The following GPC5 variants were observed in gnomAD, a reference collection of about 807,000 sequenced individuals.
GPC5 encodes the protein glypican 5.
GPC5 carries 47 observed loss-of-function variants against 53.9 expected under a neutral mutation model. The observed-to-expected ratio is 0.87, with a 90% CI of 0.69 to 1.11. The LOEUF (loss-of-function observed/expected upper bound fraction) is 1.11, where lower values mean the gene tolerates loss of function less well. Ranked by LOEUF, GPC5 falls within the 50% of genes most tolerant of loss-of-function variation. GPC5 has a pLI of 0.00. For missense variants in GPC5, 748 were observed against 713.1 expected (o/e 1.05, Z -0.56); for synonymous variants, 286 against 263.3 (o/e 1.09, Z -0.84).
At chr13:91,734,140 C>T (rs988767551) in intron 4 of GPC5, among the ~76,000 whole-genome samples, 1 of 151,036 alleles carries the variant, frequency 6.6e-6, no homozygotes, top group African/African-American at 2.5e-5. Context: ...TATTGATTTG[C>T]GTATGTTGAA....
At chr13:92,671,167 T>C (rs527278315) in intron 7 of GPC5, among the ~76,000 whole-genome samples, 1 of 152,280 alleles carries the variant, frequency 6.6e-6, no homozygotes, top group South Asian at 2.1e-4. Context: ...TTCTGTCCTG[T>C]GCATGTGACA....
intron 2 of GPC5, among the ~76,000 whole-genome samples, chr13:91,508,928 C>T (rs545607111): frequency 1.3e-5 from 2 of 152,272 alleles, no homozygotes; most frequent in South Asian, 4.1e-4. Flanking sequence ...AACAGCAGAG[C>T]TCGAGTTAGC....
At chr13:91,474,316 A>T (rs1882802439) in intron 2 of GPC5, among the ~76,000 whole-genome samples, 1 of 152,260 alleles carries the variant, frequency 6.6e-6, no homozygotes, top group South Asian at 2.1e-4. Context: ...CCTGAAGTGA[A>T]GTTGGTTTCT....
intron 3 of GPC5, among the ~76,000 whole-genome samples, chr13:91,712,914 G>C (rs1393185247): frequency 6.6e-6 from 1 of 152,150 alleles, no homozygotes; most frequent in Non-Finnish European, 1.5e-5. Flanking sequence ...CAAGCGGCCA[G>C]GTGCGGTGGC....
In GPC5 at chr13:92,758,994, G is replaced by GTTTTTTTT. The variant is rs68182839; in HGVS notation, c.1562-107270_1562-107263dup. 6.2e-4 allele frequency among the ~76,000 whole-genome samples: 44 copies of GTTTTTTTT among 70,570 alleles called. 1 individual carries two copies. The highest frequency in any genetic ancestry group is 1.8e-3 in the African/African-American group (26 of 14,754). 46.3% of individuals were successfully genotyped at this position (70,570 alleles called of 152,430 possible). A position where few individuals can be genotyped will look rare whatever the true frequency, so the allele number is the denominator to read the frequency against. On this transcript the variant is annotated intron_variant, in intron 7 of 7. Transcript: ENST00000377067. ...CAGAGAATATCCTTTTCCCATTGCG[G>GTTTTTTTT]TTTTTTTTTTTTTTTTTTTTTTTTT...
chr13:92,211,377 C>T (rs1392299914), intron 7 of GPC5, among the ~76,000 whole-genome samples: 1 of 152,232 alleles, frequency 6.6e-6, no homozygotes, highest in African/African-American at 2.4e-5. Context: ...TCCTGACACC[C>T]TGTCTATGTA....
At chr13:92,576,251 T>C (rs182597914) in intron 7 of GPC5, among the ~76,000 whole-genome samples, 8 of 152,302 alleles carry the variant, frequency 5.3e-5, no homozygotes, top group Admixed American at 3.9e-4. Flanking sequence ...CCAGCAAAAA[T>C]CATGCAGTGA....
intron 7 of GPC5, among the ~76,000 whole-genome samples, chr13:92,547,306 C>T (rs897599838): frequency 9.2e-5 from 14 of 152,064 alleles, no homozygotes; most frequent in South Asian, 4.2e-4. Context: ...TATATTTTTT[C>T]GAAGTACTTT....
At chr13:91,789,835 A>G (rs1449312302) in intron 5 of GPC5, among the ~76,000 whole-genome samples, 1 of 152,204 alleles carries the variant, frequency 6.6e-6, no homozygotes, top group East Asian at 1.9e-4. Context: ...AAGCTTGGAT[A>G]GCTGCATCTG....
intron 7 of GPC5, among the ~76,000 whole-genome samples, chr13:92,201,201 TGAA>T (rs2042292806): frequency 6.6e-6 from 1 of 152,196 alleles, no homozygotes; most frequent in Non-Finnish European, 1.5e-5. Flanking sequence ...CTTTCACTCT[TGAA>T]GAGAAGATAT....
At chr13:92,416,374 A>C (rs1876289786) in intron 7 of GPC5, among the ~76,000 whole-genome samples, 1 of 152,202 alleles carries the variant, frequency 6.6e-6, no homozygotes, top group Non-Finnish European at 1.5e-5. Context: ...GAATGAGGTC[A>C]GAACTCTACC....
chr13:92,708,048 G>T (rs980515028), intron 7 of GPC5, among the ~76,000 whole-genome samples: 3 of 152,148 alleles, frequency 2.0e-5, no homozygotes, highest in Non-Finnish European at 4.4e-5. Flanking sequence ...AAGATGGAAT[G>T]AAGGCATTAT....
At chr13:92,824,989 A>T (rs1877794740) in intron 7 of GPC5, among the ~76,000 whole-genome samples, 1 of 152,208 alleles carries the variant, frequency 6.6e-6, no homozygotes, top group East Asian at 1.9e-4. Context: ...ACTTTTAAAA[A>T]TTTTTCTTTC....
At chr13:91,928,103 G>A (rs544455911) in intron 6 of GPC5, among the ~76,000 whole-genome samples, 2 of 152,284 alleles carry the variant, frequency 1.3e-5, no homozygotes, top group South Asian at 4.1e-4. Flanking sequence ...TGAGCTATTA[G>A]ACTCAACTGA....
intron 7 of GPC5, among the ~76,000 whole-genome samples, chr13:92,527,263 GAA>G (rs568159098): frequency 2.6e-5 from 3 of 114,080 alleles, no homozygotes; most frequent in African/African-American, 1.3e-4. Context: ...AAGAAAGAAA[GAA>G]AGAAAGAAAG....
chr13:91,833,609 T>C (rs2038688397), intron 5 of GPC5, among the ~76,000 whole-genome samples: 1 of 152,156 alleles, frequency 6.6e-6, no homozygotes, highest in Admixed American at 6.6e-5. Flanking sequence ...ATAAATGTAA[T>C]CCATCACATA....
chr13:91,838,649 T>A (rs2138867771), intron 5 of GPC5, among the ~76,000 whole-genome samples: 1 of 152,150 alleles, frequency 6.6e-6, no homozygotes, highest in South Asian at 2.1e-4. Flanking sequence ...TATGGACAAC[T>A]TTGTACCTTG....
chr13:92,257,546 A>ATTTTTTTTTTTTTTTTTTTTTT lies in GPC5; in HGVS notation c.1561+112578_1561+112579insTTTTTTTTTTTTTTTTTTTTTT. Among the ~76,000 whole-genome samples the ATTTTTTTTTTTTTTTTTTTTTT allele has an allele frequency of 5.6e-3, 409 of 72,926 alleles. 125 individuals are homozygous for ATTTTTTTTTTTTTTTTTTTTTT. The highest frequency in any genetic ancestry group is 0.021 in the African/African-American group (275 of 12,932). 47.8% of individuals were successfully genotyped at this position (72,926 alleles called of 152,430 possible). On this transcript the variant is annotated intron_variant, in intron 7 of 7. Coordinates refer to ENST00000377067, the MANE Select transcript of GPC5 (RefSeq NM_004466.6). ...AGTGAGAGAGGTTTCTAATACAGGG[A>ATTTTTTTTTTTTTTTTTTTTTT]TTTTTTTTTTTTTTTTTTTTTGGGG...
rs559476835 is a variant in GPC5, at chr13:91,735,179, A to G, written c.1154+6514A>G. 5.4e-4 allele frequency among the ~76,000 whole-genome samples: 81 copies of G among 151,360 alleles called. 2 individuals are homozygous for G. Among genetic ancestry groups the G allele is most frequent in the African/African-American group, 1.9e-3 (78 of 40,808 alleles). ...AAAATTTCTTGCCTGCATCAACTCAAAAAGAGATTCTACTATATTTTTTCT... is the reference window on the plus strand; with the variant it reads ...AAAATTTCTTGCCTGCATCAACTCAGAAAGAGATTCTACTATATTTTTTCT... On this transcript the variant is annotated intron_variant, in intron 4 of 7. Coordinates refer to ENST00000377067, the MANE Select transcript of GPC5 (RefSeq NM_004466.6).
Sources: allele counts gnomAD v4.1 joint callset (sites outside exome capture counted in the v4.1 genomes callset), GRCh38; gene constraint gnomAD v4.1.1; transcripts MANE v1.5; gene names NCBI Gene and HGNC (gene_info 2026-07-23, HGNC 2026-07-21).